TAOK3: variants seen among roughly 807,000 people sequenced by gnomAD.
TAOK3 encodes serine/threonine-protein kinase TAO3.
A neutral mutation model predicts 120.4 loss-of-function variants in TAOK3; 40 were observed. The observed-to-expected ratio is 0.33, with a 90% CI of 0.26 to 0.43. TAOK3 has a LOEUF of 0.43. Ranked by LOEUF, TAOK3 falls within the 20% of genes least tolerant of loss-of-function variation. The pLI is 1.00. For synonymous variants in TAOK3, 355 were observed against 387.5 expected, an observed-to-expected ratio of 0.92 and a Z score of 0.99; for missense variants, 821 against 1,112.1, an observed-to-expected ratio of 0.74 and a Z score of 3.72.
intron 9 of TAOK3, among the ~76,000 whole-genome samples, chr12:118,216,679 A>G (rs2038918620): frequency 6.6e-6 from 1 of 152,214 alleles, no homozygotes; most frequent in South Asian, 2.1e-4. Context: ...CTGTAATTCC[A>G]GCACTTTGGG....
At chr12:118,189,731 G>A (rs1176294661) in intron 14 of TAOK3, 76 bp downstream of exon 14, 7 of 1,568,474 alleles carry the variant, frequency 4.5e-6, no homozygotes, top group Non-Finnish European at 5.3e-6. Context: ...GCCGAGACAG[G>A]CTCAGGGAGG....
chr12:118,194,375 T>C (rs562117111), intron 13 of TAOK3, among the ~76,000 whole-genome samples: 7 of 152,148 alleles, frequency 4.6e-5, no homozygotes, highest in Admixed American at 1.3e-4. Flanking sequence ...CTTGGAAGGA[T>C]AGTTGGAGAG....
Position 118,217,811 on chromosome 12 carries a change from G to GTGTGTGTATATATATA in TAOK3, c.644-3702_644-3701insTATATATATACACACA, listed in dbSNP as rs1353848789. Reference sequence around the variant, plus strand: ...TGTATGTATGTATGTGTGTGTGTGTGTATACATATATATATATATATATAT... The same window carrying GTGTGTGTATATATATA: ...TGTATGTATGTATGTGTGTGTGTGTGTGTGTGTATATATATATATACATATATATATATATATATAT... On this transcript the variant is annotated intron_variant, in intron 9 of 20. Coordinates refer to ENST00000392533, the MANE Select transcript of TAOK3 (RefSeq NM_016281.4). 1.5e-4 allele frequency among the ~76,000 whole-genome samples: 11 copies of GTGTGTGTATATATATA among 75,400 alleles called. 1 individual carries two copies. Among genetic ancestry groups the GTGTGTGTATATATATA allele is most frequent in the Non-Finnish European group, 2.6e-4 (10 of 38,922 alleles). The allele number at this position is 75,400 out of a possible 152,430, so 49.5% of individuals were successfully genotyped here.
In TAOK3 at chr12:118,204,255, GA is replaced by G. The variant is rs71069431; in HGVS notation, c.820-2793del. Among the ~76,000 whole-genome samples the G allele has an allele frequency of 3.5e-3, 394 of 111,524 alleles. 1 individual carries two copies. The highest frequency in any genetic ancestry group is 0.014 in the South Asian group (46 of 3,406). 73.2% of individuals were successfully genotyped at this position (111,524 alleles called of 152,430 possible). On this transcript the variant is annotated intron_variant, in intron 11 of 20. Coordinates refer to ENST00000392533, the MANE Select transcript of TAOK3 (RefSeq NM_016281.4). ...GCACTCTAGCCTGGGTGACAGAATGGAAAAAAAAAAAAAAAAGACATTATTT... is the reference window on the plus strand; with the variant it reads ...GCACTCTAGCCTGGGTGACAGAATGGAAAAAAAAAAAAAAAGACATTATTT...
intron 2 of TAOK3, among the ~76,000 whole-genome samples, chr12:118,262,991 T>A (rs2041298168): frequency 6.6e-6 from 1 of 152,206 alleles, no homozygotes; most frequent in African/African-American, 2.4e-5. Flanking sequence ...CTGAGAAGTT[T>A]AATCTAAAAT....
In TAOK3 at chr12:118,186,044, T is replaced by G. The variant is rs538139789; in HGVS notation, c.1329+3763A>C. Among the ~76,000 whole-genome samples the G allele has an allele frequency of 5.3e-5, 8 of 152,338 alleles. No individual in the cohort carries two copies. In the South Asian group the frequency reaches 1.7e-3, roughly 32 times the overall value. On this transcript the variant is annotated intron_variant, in intron 14 of 20. Coordinates refer to ENST00000392533, the MANE Select transcript of TAOK3 (RefSeq NM_016281.4). ...CATATTTTTATTTTTAGGTATCAAA[T>G]TCATTCACGTATCCAATTTCACAAT... is the stretch of plus-strand genomic sequence containing the variant.
chr12:118,314,196 C>A (rs755211375), intron 1 of TAOK3, among the ~76,000 whole-genome samples: 1 of 152,172 alleles, frequency 6.6e-6, no homozygotes, highest in Non-Finnish European at 1.5e-5. Flanking sequence ...CCCAAAAGTT[C>A]ACTTCTAAGC....
rs760630637 is a variant in TAOK3, at chr12:118,242,675, C to T, written c.294+740G>A. On this transcript the variant is annotated intron_variant, in intron 5 of 20. Coordinates refer to ENST00000392533, the MANE Select transcript of TAOK3 (RefSeq NM_016281.4). Reference sequence around the variant, plus strand: ...AGGAGTTGGAGACCAGCGTGGCCAACATGGTGAACCCTATCTCTACTAAAA... The same window carrying T: ...AGGAGTTGGAGACCAGCGTGGCCAATATGGTGAACCCTATCTCTACTAAAA... Among the ~76,000 whole-genome samples the T allele has an allele frequency of 1.4e-3, 210 of 152,198 alleles. 2 individuals are homozygous for T. The highest frequency in any genetic ancestry group is 1.0e-3 in the Non-Finnish European group (68 of 68,014).
intron 1 of TAOK3, among the ~76,000 whole-genome samples, chr12:118,296,186 C>T (rs1316599551): frequency 6.6e-6 from 1 of 152,142 alleles, no homozygotes; most frequent in Non-Finnish European, 1.5e-5. Flanking sequence ...TTTCTTTGTG[C>T]AATGGTGCGA....
In TAOK3 at chr12:118,246,201, C is replaced by T. The variant is rs890989872; in HGVS notation, c.121-1236G>A. 33 of 1,428,174 alleles carry T rather than the reference C, an allele frequency of 2.3e-5. No homozygotes were observed. The East Asian group carries it at 7.6e-4, about 33-fold the overall frequency. The allele number at this position is 1,428,174 out of a possible 1,614,324, so 88.5% of individuals were successfully genotyped here. On this transcript the variant is annotated intron_variant, in intron 3 of 20. Transcript: ENST00000392533. ...TGGCATCCGGGGCCGGGGTCGCGGCCGTGGACGGGGCCGGGGCCGAGGCCG... is the reference window on the plus strand; with the variant it reads ...TGGCATCCGGGGCCGGGGTCGCGGCTGTGGACGGGGCCGGGGCCGAGGCCG...
chr12:118,170,019 C>T (rs1473189263), intron 17 of TAOK3, among the ~76,000 whole-genome samples: 2 of 152,204 alleles, frequency 1.3e-5, no homozygotes, highest in African/African-American at 4.8e-5. Context: ...CTGCGCCCGG[C>T]CTCTCTCGTA....
intron 13 of TAOK3, among the ~76,000 whole-genome samples, chr12:118,194,639 C>T (rs1258042979): frequency 6.8e-6 from 1 of 146,952 alleles, no homozygotes; most frequent in African/African-American, 2.5e-5. Flanking sequence ...TTTTTTATCC[C>T]GCAAAGGTGG....
chr12:118,284,818 C>T (rs1055806330), intron 1 of TAOK3, among the ~76,000 whole-genome samples: 5 of 151,680 alleles, frequency 3.3e-5, no homozygotes, highest in African/African-American at 9.7e-5. Flanking sequence ...GAATTCTTAG[C>T]GAATGTCATG....
chr12:118,301,457 C>A (rs1849878125), intron 1 of TAOK3, among the ~76,000 whole-genome samples: 1 of 152,144 alleles, frequency 6.6e-6, no homozygotes, highest in Non-Finnish European at 1.5e-5. Context: ...ACCTTCCTCT[C>A]CAAAACTAGA....
At chr12:118,263,774 AC>A (rs1488189053) in intron 2 of TAOK3, among the ~76,000 whole-genome samples, 2 of 152,114 alleles carry the variant, frequency 1.3e-5, no homozygotes, top group African/African-American at 4.8e-5. Context: ...GCAAATGAAA[AC>A]CCATGAGAGG....
intron 1 of TAOK3, among the ~76,000 whole-genome samples, chr12:118,339,239 T>G (rs890223654): frequency 6.6e-6 from 1 of 151,148 alleles, no homozygotes; most frequent in African/African-American, 2.4e-5. Flanking sequence ...AACACAAGAG[T>G]TGGAAGTAAA....
At chr12:118,328,611 C>G (rs1171975967) in intron 1 of TAOK3, among the ~76,000 whole-genome samples, 1 of 152,076 alleles carries the variant, frequency 6.6e-6, no homozygotes, top group East Asian at 1.9e-4. Context: ...AAAACAAAAA[C>G]CACAGTTATT....
intron 1 of TAOK3, among the ~76,000 whole-genome samples, chr12:118,277,984 G>C (rs2041962280): frequency 6.6e-6 from 1 of 152,030 alleles, no homozygotes; most frequent in Admixed American, 6.6e-5. Context: ...GAAAATTCCA[G>C]TGTTTGTGGT....
chr12:118,201,506 T>A lies in TAOK3; in HGVS notation c.820-43A>T, dbSNP rs185281194. The A allele has an allele frequency of 3.2e-3, 4,962 of 1,562,934 alleles. 17 individuals carry two copies. The highest frequency in any genetic ancestry group is 0.01 in the Middle Eastern group (61 of 5,822). ...AAAAAATAAACTGATAATGAAGAAA[T>A]GTCCTTAGGTGCAAGGTACAGATAT... On this transcript the variant is annotated intron_variant, in intron 11 of 20. Coordinates refer to ENST00000392533, the MANE Select transcript of TAOK3 (RefSeq NM_016281.4).
Sources: allele counts gnomAD v4.1 joint callset (sites outside exome capture counted in the v4.1 genomes callset), GRCh38; gene constraint gnomAD v4.1.1; transcripts MANE v1.5; gene names NCBI Gene and HGNC (gene_info 2026-07-23, HGNC 2026-07-21).